NDUFAF2: variants seen among roughly 807,000 people sequenced by gnomAD.
NDUFAF2 encodes NADH:ubiquinone oxidoreductase complex assembly factor 2, also known as NADH dehydrogenase [ubiquinone] 1 alpha subcomplex assembly factor 2.
In NDUFAF2, 13 loss-of-function variants were observed where a neutral mutation model predicts 22.8. The observed-to-expected ratio is 0.57, with a 90% confidence interval of 0.37 to 0.91. The LOEUF (loss-of-function observed/expected upper bound fraction) is 0.91. Ranked by LOEUF, NDUFAF2 falls within the 40% of genes least tolerant of loss-of-function variation. The pLI is 0.01. For synonymous variants in NDUFAF2, 53 were observed against 64.2 expected, an observed-to-expected ratio of 0.83 and a Z score of 0.84; for missense variants, 162 against 195.2, an observed-to-expected ratio of 0.83 and a Z score of 1.01.
chr5:61,062,176 A>G (rs1250327178), intron 1 of NDUFAF2, among the ~76,000 whole-genome samples: 1 of 152,196 alleles, frequency 6.6e-6, no homozygotes, highest in Non-Finnish European at 1.5e-5. Context: ...ATATGACACC[A>G]CTACAAAACA....
At chr5:61,118,969 G>A (rs1254044527) in intron 3 of NDUFAF2, among the ~76,000 whole-genome samples, 4 of 152,084 alleles carry the variant, frequency 2.6e-5, no homozygotes, top group Admixed American at 2.0e-4. Context: ...GGTTATAGGT[G>A]TATGTTATTA....
rs578006714 is a variant in NDUFAF2 at position 60,950,593 on chromosome 5, T to C, written c.127+5211T>C. ...CTCGTTTGCTGAGCGCTTTCTCTTA[T>C]GAATCGATGTTGAATTTTGTCAATT... On this transcript the variant is annotated intron_variant, in intron 1 of 3. Coordinates refer to ENST00000296597, the MANE Select transcript of NDUFAF2 (RefSeq NM_174889.5). Among the ~76,000 whole-genome samples the C allele has an allele frequency of 9.9e-5, 15 of 152,150 alleles. No individual in the cohort carries two copies. In the East Asian group the frequency reaches 1.9e-3, roughly 20 times the overall value.
intron 3 of NDUFAF2, among the ~76,000 whole-genome samples, chr5:61,106,909 A>C (rs1752770913): frequency 6.6e-6 from 1 of 151,152 alleles, no homozygotes; most frequent in African/African-American, 2.5e-5. Flanking sequence ...TGTATATATC[A>C]CATTTTCTTT....
intron 2 of NDUFAF2, among the ~76,000 whole-genome samples, chr5:61,096,563 C>T (rs1752643158): frequency 6.9e-6 from 1 of 144,662 alleles, no homozygotes; most frequent in South Asian, 2.2e-4. Context: ...TGCGTCACTG[C>T]ACTCCAGCCT....
chr5:61,051,836 A>G (rs547771411), intron 1 of NDUFAF2, among the ~76,000 whole-genome samples: 64 of 152,266 alleles, frequency 4.2e-4, no homozygotes, highest in African/African-American at 1.5e-3. Flanking sequence ...AGAACCAGAT[A>G]TGAGGCACTA....
intron 1 of NDUFAF2, among the ~76,000 whole-genome samples, chr5:60,985,528 A>C (rs1751061270): frequency 6.6e-6 from 1 of 152,224 alleles, no homozygotes; most frequent in Admixed American, 6.5e-5. Context: ...TCTTGTGGGC[A>C]TCTAGTGCTA....
intron 1 of NDUFAF2, among the ~76,000 whole-genome samples, chr5:61,039,748 A>AAT (rs1416554482): frequency 1.3e-5 from 2 of 152,228 alleles, no homozygotes; most frequent in Non-Finnish European, 2.9e-5. Flanking sequence ...CTTAGTAAGA[A>AAT]CCATAGCATC....
At chr5:60,969,722 A>G (rs1046894789) in intron 1 of NDUFAF2, among the ~76,000 whole-genome samples, 4 of 152,120 alleles carry the variant, frequency 2.6e-5, no homozygotes, top group African/African-American at 7.2e-5. Context: ...GAAGCTTTTT[A>G]ACTTAATGTG....
chr5:61,126,311 A>G (rs971428955), intron 3 of NDUFAF2, among the ~76,000 whole-genome samples: 4 of 151,950 alleles, frequency 2.6e-5, no homozygotes, highest in Admixed American at 2.0e-4. Flanking sequence ...AACTGTTTCT[A>G]GCTTTTCTAT....
chr5:61,091,513 GTTGT>G (rs1752568540), intron 2 of NDUFAF2, among the ~76,000 whole-genome samples: 1 of 152,048 alleles, frequency 6.6e-6, no homozygotes, highest in Non-Finnish European at 1.5e-5. Context: ...TTTTAATGGG[GTTGT>G]TTATTTTATT....
intron 1 of NDUFAF2, among the ~76,000 whole-genome samples, chr5:61,040,300 G>GCT (rs1554080882): frequency 6.7e-6 from 1 of 149,098 alleles, no homozygotes; most frequent in South Asian, 2.1e-4. Context: ...GCGCGCGCGC[G>GCT]CGAAAGTTGA....
intron 1 of NDUFAF2, among the ~76,000 whole-genome samples, chr5:61,004,545 A>T (rs1482276353): frequency 6.6e-6 from 1 of 151,918 alleles, no homozygotes; most frequent in Non-Finnish European, 1.5e-5. Context: ...TGTTTCAGAC[A>T]TTTTTTAGCT....
chr5:60,976,802 A>G lies in NDUFAF2; in HGVS notation c.127+31420A>G, dbSNP rs146265746. Among the ~76,000 whole-genome samples, 4 of 152,258 alleles carry G rather than the reference A, an allele frequency of 2.6e-5. No individual in the cohort carries two copies. The East Asian group carries it at 7.7e-4, about 29-fold the overall frequency. ...CAATGCCTTTTTCTTTTTCATAAGGAACCTGATACGTTATTCTATGCCTAT... is the reference window on the plus strand; with the variant it reads ...CAATGCCTTTTTCTTTTTCATAAGGGACCTGATACGTTATTCTATGCCTAT... On this transcript the variant is annotated intron_variant, in intron 1 of 3. Coordinates refer to ENST00000296597, the MANE Select transcript of NDUFAF2 (RefSeq NM_174889.5).
intron 1 of NDUFAF2, among the ~76,000 whole-genome samples, chr5:61,032,496 T>G (rs1292399422): frequency 2.0e-5 from 3 of 152,110 alleles, no homozygotes; most frequent in Admixed American, 2.0e-4. Flanking sequence ...TTTCCCCATT[T>G]CTTGTTTTTG....
chr5:60,989,481 T>G (rs940428428), intron 1 of NDUFAF2, among the ~76,000 whole-genome samples: 1 of 152,184 alleles, frequency 6.6e-6, no homozygotes, highest in African/African-American at 2.4e-5. Context: ...CTATTCACAA[T>G]AGCAAAGACA....
At chr5:61,021,874 T>C (rs1002925391) in intron 1 of NDUFAF2, among the ~76,000 whole-genome samples, 1 of 152,178 alleles carries the variant, frequency 6.6e-6, no homozygotes, top group Non-Finnish European at 1.5e-5. Flanking sequence ...TTGTAAGGAA[T>C]TGTGATTGTA....
chr5:60,961,023 G>A (rs1210287799), intron 1 of NDUFAF2, among the ~76,000 whole-genome samples: 2 of 152,146 alleles, frequency 1.3e-5, no homozygotes, highest in South Asian at 2.1e-4. Flanking sequence ...ATGAAGTCTT[G>A]TAAAATAAAT....
intron 1 of NDUFAF2, among the ~76,000 whole-genome samples, chr5:61,056,174 CT>C (rs1261519097): frequency 6.6e-6 from 1 of 152,090 alleles, no homozygotes; most frequent in African/African-American, 2.4e-5. Flanking sequence ...TTATTTTATT[CT>C]TTTGTAGGTA....
intron 1 of NDUFAF2, among the ~76,000 whole-genome samples, chr5:61,063,367 G>A (rs964622460): frequency 1.3e-5 from 2 of 151,770 alleles, no homozygotes; most frequent in Admixed American, 1.3e-4. Flanking sequence ...AGTTAGCTGG[G>A]TGTTGTGGCA....
Sources: gnomAD v4.1 joint callset for allele counts (sites outside exome capture counted in the v4.1 genomes callset) on GRCh38, gnomAD v4.1.1 for gene constraint, MANE v1.5 for transcripts, NCBI Gene and HGNC (gene_info 2026-07-23, HGNC 2026-07-21) for gene names.